Variants in RBFOX1 observed in about 807,000 individuals in gnomAD.
The protein encoded by RBFOX1 is RNA binding protein fox-1 homolog 1.
In RBFOX1, 8 loss-of-function variants were observed where a neutral mutation model predicts 57.7. That is an observed-to-expected ratio of 0.14 (90% CI 0.08 to 0.25). RBFOX1 has a LOEUF of 0.25. Among genes scored for constraint, RBFOX1 ranks in the 10% least tolerant of loss-of-function variants. The pLI, the probability that RBFOX1 is intolerant of heterozygous loss-of-function variation, is 1.00. For synonymous variants in RBFOX1, 326 were observed against 222.4 expected (o/e 1.47, Z -4.15); for missense variants, 611 against 548.5 (o/e 1.11, Z -1.14).
At chr16:5,813,556 TA>T (rs2055512368) in intron 3 of RBFOX1, among the ~76,000 whole-genome samples, 1 of 152,234 alleles carries the variant, frequency 6.6e-6, no homozygotes, top group African/African-American at 2.4e-5. Flanking sequence ...AAGCCAGGCA[TA>T]AAAGGTCACA....
At chr16:5,867,974 A>G (rs2057382376) in intron 4 of RBFOX1, among the ~76,000 whole-genome samples, 1 of 152,072 alleles carries the variant, frequency 6.6e-6, no homozygotes, top group African/African-American at 2.4e-5. Flanking sequence ...AGCCTCCTAA[A>G]ATGCAGGGAT....
chr16:5,812,523 G>A (rs773561425), intron 3 of RBFOX1, among the ~76,000 whole-genome samples: 2 of 149,146 alleles, frequency 1.3e-5, no homozygotes, highest in East Asian at 2.0e-4. Context: ...CAGTGGTGCA[G>A]TCGTAGCTCA....
intron 1 of RBFOX1, among the ~76,000 whole-genome samples, chr16:6,247,678 A>G (rs1316462171): frequency 6.6e-6 from 1 of 152,224 alleles, no homozygotes; most frequent in Admixed American, 6.5e-5. Context: ...AGAAGCAAAG[A>G]TACTTGCCAA....
chr16:7,705,080 AAAG>A (rs1257691056), intron 14 of RBFOX1, among the ~76,000 whole-genome samples: 2 of 151,832 alleles, frequency 1.3e-5, no homozygotes, highest in African/African-American at 4.8e-5. Flanking sequence ...AGAGCCAGAG[AAAG>A]AAGCATCTCT....
chr16:5,513,607 T>A (rs1357686195), intron 2 of RBFOX1, among the ~76,000 whole-genome samples: 2 of 152,238 alleles, frequency 1.3e-5, no homozygotes, highest in Non-Finnish European at 2.9e-5. Flanking sequence ...ATAAATTATT[T>A]GGAATTCTTC....
At chr16:7,290,683 A>G (rs895384251) in intron 4 of RBFOX1, among the ~76,000 whole-genome samples, 2 of 152,246 alleles carry the variant, frequency 1.3e-5, no homozygotes, top group Non-Finnish European at 2.9e-5. Flanking sequence ...GGTGGTGAGC[A>G]TGCAACATTA....
At chr16:5,568,903 C>T (rs11647221) in intron 2 of RBFOX1, among the ~76,000 whole-genome samples, 67,759 of 151,978 alleles carry the variant, frequency 0.45, 15,290 homozygotes, top group East Asian at 0.53. Context: ...TGCAGTGACG[C>T]GATCTCAGAT....
chr16:5,871,088 T>C (rs1000845651), intron 4 of RBFOX1, among the ~76,000 whole-genome samples: 2 of 152,312 alleles, frequency 1.3e-5, no homozygotes, highest in Admixed American at 1.3e-4. Context: ...GCAAGCTGTT[T>C]GTGCCAATAA....
intron 4 of RBFOX1, among the ~76,000 whole-genome samples, chr16:7,465,192 C>G (rs529086422): frequency 2.0e-5 from 3 of 152,146 alleles, no homozygotes; most frequent in Admixed American, 1.3e-4. Flanking sequence ...CTTTACAAAC[C>G]TAGCTCAATC....
At chr16:6,000,190 A>G (rs1311014013) in intron 4 of RBFOX1, among the ~76,000 whole-genome samples, 3 of 152,146 alleles carry the variant, frequency 2.0e-5, no homozygotes, top group Non-Finnish European at 4.4e-5. Context: ...CTGGCCTCTT[A>G]GGGCAGTACC....
chr16:5,686,851 A>C (rs78992658), intron 3 of RBFOX1, among the ~76,000 whole-genome samples: 2 of 152,310 alleles, frequency 1.3e-5, no homozygotes, highest in African/African-American at 2.4e-5. Context: ...GTTGACTTTC[A>C]TCTGGGGCTG....
At chr16:6,919,618 T>C (rs1178855580) in intron 3 of RBFOX1, among the ~76,000 whole-genome samples, 1 of 152,144 alleles carries the variant, frequency 6.6e-6, no homozygotes, top group East Asian at 1.9e-4. Flanking sequence ...TTCGAACAAG[T>C]ATCTGGAAAT....
chr16:6,838,239 T>A (rs567781329), intron 3 of RBFOX1, among the ~76,000 whole-genome samples: 1 of 152,082 alleles, frequency 6.6e-6, no homozygotes, highest in Non-Finnish European at 1.5e-5. Context: ...CCATGTGTTA[T>A]CATTGTTCAT....
chr16:6,475,134 C>T (rs1048284248), intron 2 of RBFOX1, among the ~76,000 whole-genome samples: 2 of 152,092 alleles, frequency 1.3e-5, no homozygotes, highest in African/African-American at 4.8e-5. Context: ...GTACTTGGAG[C>T]TCTCTTTGGG....
At chr16:7,323,068 G>T (rs2096566408) in intron 4 of RBFOX1, among the ~76,000 whole-genome samples, 1 of 152,134 alleles carries the variant, frequency 6.6e-6, no homozygotes, top group South Asian at 2.1e-4. Context: ...TGTTGGGATG[G>T]TTGAGATTGA....
intron 4 of RBFOX1, among the ~76,000 whole-genome samples, chr16:5,893,636 G>A (rs974744889): frequency 4.6e-5 from 7 of 152,034 alleles, no homozygotes; most frequent in African/African-American, 7.3e-5. Context: ...GCAAAACCCC[G>A]TCTCCACTAA....
intron 5 of RBFOX1, among the ~76,000 whole-genome samples, chr16:7,537,351 C>T (rs1299520245): frequency 3.9e-5 from 6 of 152,024 alleles, no homozygotes; most frequent in Non-Finnish European, 5.9e-5. Flanking sequence ...CGGTATAGTC[C>T]CTTGTAATTT....
chr16:5,948,428 C>T (rs892860722), intron 4 of RBFOX1, among the ~76,000 whole-genome samples: 1 of 152,118 alleles, frequency 6.6e-6, no homozygotes, highest in Non-Finnish European at 1.5e-5. Flanking sequence ...AGCGTCTGCC[C>T]AAAATTCATG....
At chr16:7,302,468 G>A (rs778251734) in intron 4 of RBFOX1, among the ~76,000 whole-genome samples, 12 of 152,080 alleles carry the variant, frequency 7.9e-5, no homozygotes, top group Non-Finnish European at 1.5e-4. Context: ...CTGGTGGCCA[G>A]TTCCAGGGTT....
Sources: gnomAD v4.1 joint callset for allele counts (sites outside exome capture counted in the v4.1 genomes callset) on GRCh38, gnomAD v4.1.1 for gene constraint, MANE v1.5 for transcripts, NCBI Gene and HGNC (gene_info 2026-07-23, HGNC 2026-07-21) for gene names.